CPLX2: variants seen among roughly 807,000 people sequenced by gnomAD.
The protein encoded by CPLX2 is complexin-2.
In CPLX2, 5 loss-of-function variants were observed where a neutral mutation model predicts 16.3. The observed-to-expected ratio is 0.31, with a 90% CI of 0.16 to 0.64. The LOEUF (loss-of-function observed/expected upper bound fraction) is 0.64, where lower values mean the gene tolerates loss of function less well. CPLX2 is among the 30% of genes least tolerant of loss of function. CPLX2 has a pLI of 0.79. For synonymous variants in CPLX2, 89 were observed against 73.2 expected (o/e 1.22, Z -1.10); for missense variants, 144 against 181.4 (o/e 0.79, Z 1.18).
chr5:175,846,084 C>T (rs1759037089), intron 2 of CPLX2, among the ~76,000 whole-genome samples: 1 of 152,102 alleles, frequency 6.6e-6, no homozygotes, highest in Admixed American at 6.5e-5. Context: ...TGAGGCTTGG[C>T]TGGCAGGTCT....
chr5:175,837,382 G>T (rs1758857939), intron 2 of CPLX2: 1 of 152,192 alleles, frequency 6.6e-6, no homozygotes, highest in African/African-American at 2.4e-5. Context: ...TTGTCTTCAG[G>T]CTGCAGGGGA....
intron 2 of CPLX2, among the ~76,000 whole-genome samples, chr5:175,850,638 A>G (rs1006265736): frequency 6.6e-6 from 1 of 152,168 alleles, no homozygotes; most frequent in Non-Finnish European, 1.5e-5. Flanking sequence ...GGCCCTGAGA[A>G]GTCCTGCAGG....
intron 2 of CPLX2, among the ~76,000 whole-genome samples, chr5:175,823,726 T>A (rs1306787219): frequency 6.6e-6 from 1 of 152,152 alleles, no homozygotes; most frequent in Non-Finnish European, 1.5e-5. Flanking sequence ...CCCAGGGCTG[T>A]GTGATGATGT....
At chr5:175,838,559 C>G (rs1410023852) in intron 2 of CPLX2, among the ~76,000 whole-genome samples, 1 of 152,134 alleles carries the variant, frequency 6.6e-6, no homozygotes, top group Non-Finnish European at 1.5e-5. Flanking sequence ...CGCCCGGCCC[C>G]CCTTCTGTCT....
At chr5:175,833,464 A>G (rs555357569) in intron 2 of CPLX2, among the ~76,000 whole-genome samples, 2 of 152,318 alleles carry the variant, frequency 1.3e-5, no homozygotes, top group African/African-American at 4.8e-5. Flanking sequence ...CAAGGGACAC[A>G]GGGGACTCGT....
upstream of CPLX2, among the ~76,000 whole-genome samples, chr5:175,868,197 C>T (rs993077600): frequency 1.3e-5 from 2 of 152,210 alleles, no homozygotes; most frequent in African/African-American, 4.8e-5. Flanking sequence ...ACCCCCTCAC[C>T]TCCCACATGG....
intron 2 of CPLX2, among the ~76,000 whole-genome samples, chr5:175,820,355 G>A (rs1245838973): frequency 6.6e-6 from 1 of 152,212 alleles, no homozygotes; most frequent in South Asian, 2.1e-4. Context: ...GGGGCTCCGT[G>A]TTCTGCCCAG....
chr5:175,804,037 G>C (rs1238406952), intron 1 of CPLX2, among the ~76,000 whole-genome samples: 1 of 152,178 alleles, frequency 6.6e-6, no homozygotes, highest in East Asian at 1.9e-4. Context: ...ACAATTTAAG[G>C]GGATGCTGAA....
intron 2 of CPLX2, among the ~76,000 whole-genome samples, chr5:175,834,491 C>T (rs542828482): frequency 1.6e-4 from 24 of 152,194 alleles, no homozygotes; most frequent in South Asian, 6.2e-4. Flanking sequence ...TTCAACGTAA[C>T]GCAATTCATG....
rs1758721396 is a variant in CPLX2, at chr5:175,830,821, T to C, written c.-89+21753T>C. ...ACAGCTCAGCCAAGAAGCCCAGATC[T>C]GGGAAGGAGAGCAGGGAACATGTCA... On this transcript the variant is annotated intron_variant, in intron 2 of 4. Coordinates refer to the CPLX2 transcript ENST00000359546. This position sits in a 1 kb window ranked among gnomAD's most constrained non-coding sequence, Gnocchi z 4.0. Among the ~76,000 whole-genome samples, 1 of 152,134 alleles carries C rather than the reference T, an allele frequency of 6.6e-6. No homozygotes were observed. Among genetic ancestry groups the C allele is most frequent in the African/African-American group, 2.4e-5 (1 of 41,418 alleles).
chr5:175,828,315 G>A (rs748266397), intron 2 of CPLX2, among the ~76,000 whole-genome samples: 19 of 152,186 alleles, frequency 1.2e-4, no homozygotes, highest in Non-Finnish European at 2.5e-4. Context: ...GGAACAGCGA[G>A]CTACAGAATG....
intron 1 of CPLX2, among the ~76,000 whole-genome samples, chr5:175,877,209 T>C (rs1174604447): frequency 6.7e-6 from 1 of 148,636 alleles, no homozygotes; most frequent in Non-Finnish European, 1.5e-5. Flanking sequence ...CCCTGGGCTG[T>C]TTTGTGTTTT....
At chr5:175,837,013 C>T (rs1758851702) in intron 2 of CPLX2, among the ~76,000 whole-genome samples, 1 of 152,260 alleles carries the variant, frequency 6.6e-6, no homozygotes, top group Non-Finnish European at 1.5e-5. Flanking sequence ...CTAGAAGAAA[C>T]TAGACCCTAA....
At chr5:175,815,333 GACTC>G (rs111404891) in intron 2 of CPLX2, among the ~76,000 whole-genome samples, 1,578 of 152,190 alleles carry the variant, frequency 0.01, 21 homozygotes, top group African/African-American at 0.036. Context: ...AATGAGAACC[GACTC>G]ACTCAGGGGC....
chr5:175,856,193 G>T (rs1759254155), intron 2 of CPLX2, among the ~76,000 whole-genome samples: 1 of 152,154 alleles, frequency 6.6e-6, no homozygotes, highest in Non-Finnish European at 1.5e-5. Context: ...TGTAAAATGG[G>T]CATAACAATA....
rs1451335111 is a variant in CPLX2, at chr5:175,830,148, G to A, written c.-89+21080G>A. Among the ~76,000 whole-genome samples, 1 of 152,218 alleles carries A rather than the reference G, an allele frequency of 6.6e-6. No individual in the cohort carries two copies. The highest frequency in any genetic ancestry group is 1.5e-5 in the Non-Finnish European group (1 of 68,042). ...GAAGAGAAGCAGTGAGAGCTGGAAG[G>A]GCACATGAAGGGCAGTGTGGGCAGA... On this transcript the variant is annotated intron_variant, in intron 2 of 4. Coordinates refer to the CPLX2 transcript ENST00000359546. The surrounding 1 kb of genome is among the most constrained non-coding windows in gnomAD (Gnocchi z 4.0).
intron 2 of CPLX2, among the ~76,000 whole-genome samples, chr5:175,860,116 G>A (rs756910566): frequency 3.3e-5 from 5 of 152,172 alleles, no homozygotes; most frequent in Admixed American, 6.5e-5. Flanking sequence ...TCACCCTCGG[G>A]CAGGCCCTCC....
chr5:175,796,915 C>G (rs1014464385), intron 1 of CPLX2: 1 of 152,200 alleles, frequency 6.6e-6, no homozygotes, highest in African/African-American at 2.4e-5. Context: ...GCCTCTCCCC[C>G]TCCCTGGAGC....
At chr5:175,863,484 A>G (rs1264152223) in intron 2 of CPLX2, among the ~76,000 whole-genome samples, 1 of 152,230 alleles carries the variant, frequency 6.6e-6, no homozygotes, top group Non-Finnish European at 1.5e-5. Context: ...AAGTGGAGAT[A>G]ATGATATTTA....
Sources: gnomAD v4.1 joint callset for allele counts (sites outside exome capture counted in the v4.1 genomes callset) on GRCh38, gnomAD v4.1.1 for gene constraint, Gnocchi (gnomAD v3.1) non-coding constraint, MANE v1.5 for transcripts, NCBI Gene and HGNC (gene_info 2026-07-23, HGNC 2026-07-21) for gene names.